The following PBX1 variants were observed in gnomAD, a reference collection of about 807,000 sequenced individuals.
The protein encoded by PBX1 is PBX homeobox 1, also known as pre-B-cell leukemia transcription factor 1.
PBX1 carries 6 observed loss-of-function variants against 53.4 expected under a neutral mutation model. That is an observed-to-expected ratio of 0.11 (90% CI 0.06 to 0.22). The LOEUF (loss-of-function observed/expected upper bound fraction) is 0.22. PBX1 is among the 10% of genes least tolerant of loss of function. The pLI is 1.00. For missense variants in PBX1, 251 were observed against 551.4 expected, an observed-to-expected ratio of 0.46 and a Z score of 5.46; for synonymous variants, 204 against 212.3, an observed-to-expected ratio of 0.96 and a Z score of 0.34.
intron 2 of PBX1, among the ~76,000 whole-genome samples, chr1:164,580,579 C>G (rs948768343): frequency 2.0e-5 from 3 of 151,744 alleles, no homozygotes; most frequent in African/African-American, 7.3e-5. Flanking sequence ...CCATTCCCAG[C>G]CAAGTTTGTT....
In PBX1 at chr1:164,849,353, A is replaced by AC; in HGVS notation, c.*2682dup. On this transcript the variant is annotated 3_prime_UTR_variant, in exon 9 of 9. Transcript: ENST00000420696. The stretch of plus-strand genomic sequence containing the variant: ...CTCTATACCCAGCACCTCCCCCGGC[A>AC]CCCCCGGCAAGCCCACTATCACTTC... The AC allele has an allele frequency of 6.5e-7, 1 of 1,535,376 alleles. No individual in the cohort carries two copies. Among genetic ancestry groups the AC allele is most frequent in the Non-Finnish European group, 8.7e-7 (1 of 1,146,730 alleles).
chr1:164,576,470 C>T lies in PBX1; in HGVS notation c.265+13159C>T, dbSNP rs573409303. On this transcript the variant is annotated intron_variant, in intron 2 of 8. Coordinates refer to ENST00000420696, the MANE Select transcript of PBX1 (RefSeq NM_002585.4). ...GCACCGGCTCCCTCTCCCGTTCGGG[C>T]GTGCGGCCCCCCTCAGACTCTGCCC... 1.9e-4 allele frequency among the ~76,000 whole-genome samples: 29 copies of T among 152,330 alleles called. 1 individual carries two copies. The highest frequency in any genetic ancestry group is 3.4e-3 in the Middle Eastern group (1 of 294).
chr1:164,832,299 G>A (rs542002905), intron 8 of PBX1, among the ~76,000 whole-genome samples: 8 of 152,282 alleles, frequency 5.3e-5, no homozygotes, highest in Non-Finnish European at 8.8e-5. Context: ...GTTCTGTTGT[G>A]TATCCTCTCA....
In PBX1 at chr1:164,798,567, C is replaced by A. The variant is rs141791595; in HGVS notation, c.511-1132C>A. Among the ~76,000 whole-genome samples the A allele has an allele frequency of 2.0e-5, 3 of 152,326 alleles. No homozygotes were observed. The East Asian group carries it at 5.8e-4, about 29-fold the overall frequency. On this transcript the variant is annotated intron_variant, in intron 3 of 8. Transcript: ENST00000420696. ...GCCCTGGCCTAAAATAGGAAGGGCTCAGGCCCTACCTCTGCCTCTTCATGT... is the reference window on the plus strand; with the variant it reads ...GCCCTGGCCTAAAATAGGAAGGGCTAAGGCCCTACCTCTGCCTCTTCATGT...
At chr1:164,729,545 T>C (rs1413084943) in intron 2 of PBX1, among the ~76,000 whole-genome samples, 1 of 152,232 alleles carries the variant, frequency 6.6e-6, no homozygotes, top group Non-Finnish European at 1.5e-5. Context: ...TTATTTGGCA[T>C]TTACTACAGG....
At chr1:164,841,669 G>A (rs1239463374) in intron 8 of PBX1, among the ~76,000 whole-genome samples, 5 of 152,264 alleles carry the variant, frequency 3.3e-5, no homozygotes, top group African/African-American at 4.8e-5. Flanking sequence ...ATATCAGGAA[G>A]ACATATTTCT....
At chr1:164,591,463 A>G (rs956310275) in intron 2 of PBX1, among the ~76,000 whole-genome samples, 1 of 152,202 alleles carries the variant, frequency 6.6e-6, no homozygotes, top group Admixed American at 6.5e-5. Flanking sequence ...TGAAAAAAGG[A>G]GCTCTGTAAC....
At chr1:164,757,158 C>G (rs990959403) in intron 2 of PBX1, among the ~76,000 whole-genome samples, 2 of 151,944 alleles carry the variant, frequency 1.3e-5, no homozygotes, top group African/African-American at 4.8e-5. Context: ...ATCATTGCCC[C>G]CCATGGAAAC....
chr1:164,884,492 T>G (rs1226498919), intron 2 of PBX1: 1 of 482,246 alleles, frequency 2.1e-6, no homozygotes, highest in Non-Finnish European at 4.1e-6. Context: ...GATCTGTGGA[T>G]AGGGGGTGTT....
intron 2 of PBX1, among the ~76,000 whole-genome samples, chr1:164,608,113 T>C (rs377156905): frequency 6.6e-6 from 1 of 152,190 alleles, no homozygotes; most frequent in African/African-American, 2.4e-5. Context: ...GATTTCTGAT[T>C]AGTGATTTCA....
At chr1:164,810,275 G>A (rs758993692) in intron 5 of PBX1, among the ~76,000 whole-genome samples, 1 of 152,068 alleles carries the variant, frequency 6.6e-6, no homozygotes, top group Non-Finnish European at 1.5e-5. Context: ...AGTGCCTAAC[G>A]CGTATTAGGC....
At chr1:164,635,312 T>C (rs1658685510) in intron 2 of PBX1, among the ~76,000 whole-genome samples, 1 of 151,598 alleles carries the variant, frequency 6.6e-6, no homozygotes, top group Admixed American at 6.6e-5. Flanking sequence ...GTATCTGTTT[T>C]AAAAAGTGGG....
At chr1:164,837,413 T>C (rs940542441) in intron 8 of PBX1, among the ~76,000 whole-genome samples, 3 of 152,200 alleles carry the variant, frequency 2.0e-5, no homozygotes, top group African/African-American at 4.8e-5. Flanking sequence ...TCTTTTCTAG[T>C]GTAGCTACTC....
chr1:164,674,189 T>G (rs1202467280), intron 2 of PBX1, among the ~76,000 whole-genome samples: 4 of 152,214 alleles, frequency 2.6e-5, no homozygotes, highest in Non-Finnish European at 5.9e-5. Flanking sequence ...TCCTACTCTT[T>G]TTTGTGTCCC....
chr1:164,766,119 A>G (rs1254109115), intron 2 of PBX1, among the ~76,000 whole-genome samples: 5 of 152,168 alleles, frequency 3.3e-5, no homozygotes, highest in African/African-American at 1.2e-4. Context: ...CTTGGGTGAC[A>G]ACAGAAACTG....
chr1:164,591,539 G>A (rs1041257821), intron 2 of PBX1, among the ~76,000 whole-genome samples: 2 of 152,202 alleles, frequency 1.3e-5, no homozygotes, highest in African/African-American at 2.4e-5. Flanking sequence ...ACTTTTCAGA[G>A]TTAGCAGCAG....
chr1:164,615,784 C>A (rs1278866529), intron 2 of PBX1, among the ~76,000 whole-genome samples: 1 of 152,108 alleles, frequency 6.6e-6, no homozygotes, highest in Non-Finnish European at 1.5e-5. Flanking sequence ...GAGACAGTTA[C>A]AAATGAACTG....
At chr1:164,803,507 T>C (rs1204292956) in intron 4 of PBX1, among the ~76,000 whole-genome samples, 1 of 152,206 alleles carries the variant, frequency 6.6e-6, no homozygotes, top group Non-Finnish European at 1.5e-5. Flanking sequence ...TTGAGGAATT[T>C]GCTGTTTAGT....
intron 8 of PBX1, among the ~76,000 whole-genome samples, chr1:164,824,924 C>A (rs985849901): frequency 1.3e-5 from 2 of 152,144 alleles, no homozygotes; most frequent in African/African-American, 4.8e-5. Flanking sequence ...ATCACTGTTG[C>A]TGTCTTTAAT....
Sources: allele counts gnomAD v4.1 joint callset (sites outside exome capture counted in the v4.1 genomes callset), GRCh38; gene constraint gnomAD v4.1.1; transcripts MANE v1.5; gene names NCBI Gene and HGNC (gene_info 2026-07-23, HGNC 2026-07-21).